Variants in WWOX observed in about 807,000 individuals in gnomAD.
WWOX encodes WW domain-containing oxidoreductase.
In WWOX, 69 loss-of-function variants were observed where a neutral mutation model predicts 46.2. That is an observed-to-expected ratio of 1.49 (90% confidence interval 1.23 to 1.82). The LOEUF is 1.82. Ranked by LOEUF, WWOX falls within the 40% of genes most tolerant of loss-of-function variation. The probability of loss-of-function intolerance (pLI) is 0.00; values close to 1 mark genes in which losing one functional copy is unlikely to be tolerated. For synonymous variants in WWOX, 359 were observed against 202.6 expected (o/e 1.77, Z -6.56); for missense variants, 919 against 542.6 (o/e 1.69, Z -6.89).
In WWOX at chr16:78,486,701, G is replaced by A. The variant is rs149322307; in HGVS notation, c.1056+53949G>A. On this transcript the variant is annotated intron_variant, in intron 8 of 8. Transcript: ENST00000566780. Reference sequence around the variant, plus strand: ...GGAATTCTCTGCCTTAGCCTCCCGCGTAGCTGGGATTACAGGTGCATGCCA... The same window carrying A: ...GGAATTCTCTGCCTTAGCCTCCCGCATAGCTGGGATTACAGGTGCATGCCA... 5.5e-3 allele frequency among the ~76,000 whole-genome samples: 834 copies of A among 152,252 alleles called. 11 individuals are homozygous for A. Among genetic ancestry groups the A allele is most frequent in the African/African-American group, 0.019 (791 of 41,540 alleles).
chr16:78,825,928 G>T (rs1346606229), intron 8 of WWOX: 2 of 776,882 alleles, frequency 2.6e-6, no homozygotes, highest in East Asian at 2.6e-5. Context: ...ATGAGGTAGT[G>T]CCCACCACTC....
intron 8 of WWOX, among the ~76,000 whole-genome samples, chr16:78,928,768 AAC>A (rs1292284124): frequency 6.6e-6 from 1 of 152,172 alleles, no homozygotes; most frequent in Non-Finnish European, 1.5e-5. Flanking sequence ...ATGTGTATAA[AAC>A]ACAGTTTCAG....
chr16:78,104,328 AACACACGC>A (rs2032002520), intron 1 of WWOX, among the ~76,000 whole-genome samples: 4 of 138,472 alleles, frequency 2.9e-5, no homozygotes, highest in African/African-American at 1.0e-4. Flanking sequence ...GTGCTCAAAA[AACACACGC>A]ACGCACGCAC....
chr16:79,001,919 C>T (rs552756940), intron 8 of WWOX, among the ~76,000 whole-genome samples: 65 of 152,062 alleles, frequency 4.3e-4, no homozygotes, highest in African/African-American at 1.4e-3. Context: ...ACCAGCAGTC[C>T]ATAGTGAGAC....
intron 5 of WWOX, among the ~76,000 whole-genome samples, chr16:78,384,917 C>G (rs1256651910): frequency 6.6e-6 from 1 of 152,096 alleles, no homozygotes; most frequent in East Asian, 1.9e-4. Flanking sequence ...GGGTGGATCA[C>G]AAGGTCAAGA....
At chr16:78,654,392 C>G (rs1026400296) in intron 8 of WWOX, among the ~76,000 whole-genome samples, 1 of 152,194 alleles carries the variant, frequency 6.6e-6, no homozygotes, top group Non-Finnish European at 1.5e-5. Context: ...TGGTATTTAT[C>G]AACTAACTGC....
intron 8 of WWOX, among the ~76,000 whole-genome samples, chr16:78,445,516 C>T (rs186489305): frequency 4.8e-3 from 731 of 152,310 alleles, no homozygotes; most frequent in Non-Finnish European, 8.3e-3. Context: ...CAAACCACTC[C>T]GACTTCAGCC....
At chr16:78,909,770 A>G (rs1010046671) in intron 8 of WWOX, among the ~76,000 whole-genome samples, 3 of 152,216 alleles carry the variant, frequency 2.0e-5, no homozygotes, top group African/African-American at 7.2e-5. Flanking sequence ...CCATGCGTCA[A>G]CTTAGTCCAA....
At chr16:78,101,090 C>T (rs1001191047) in intron 1 of WWOX, among the ~76,000 whole-genome samples, 2 of 151,842 alleles carry the variant, frequency 1.3e-5, no homozygotes, top group African/African-American at 4.8e-5. Flanking sequence ...CTCTGTCGCC[C>T]AGGCTGGAGT....
chr16:78,434,673 CAG>C (rs754156439), intron 8 of WWOX, among the ~76,000 whole-genome samples: 1 of 152,154 alleles, frequency 6.6e-6, no homozygotes, highest in African/African-American at 2.4e-5. Context: ...TCAGTGGCAT[CAG>C]AGAGTTCGTT....
At chr16:78,437,985 A>G (rs983965927) in intron 8 of WWOX, among the ~76,000 whole-genome samples, 5 of 152,144 alleles carry the variant, frequency 3.3e-5, no homozygotes, top group African/African-American at 9.7e-5. Context: ...ATATTAGTCT[A>G]TGGGTTTTAA....
At chr16:78,947,012 A>T (rs2045962040) in intron 8 of WWOX, among the ~76,000 whole-genome samples, 1 of 151,916 alleles carries the variant, frequency 6.6e-6, no homozygotes, top group African/African-American at 2.4e-5. Flanking sequence ...GTTCCCCCTC[A>T]GTCTTGTCTC....
chr16:78,645,220 G>C (rs899995564), intron 8 of WWOX, among the ~76,000 whole-genome samples: 4 of 152,078 alleles, frequency 2.6e-5, no homozygotes, highest in African/African-American at 9.7e-5. Flanking sequence ...TTCTACCCTT[G>C]AGGAGGGTAC....
At chr16:78,612,380 T>A (rs2045922251) in intron 8 of WWOX, among the ~76,000 whole-genome samples, 1 of 152,268 alleles carries the variant, frequency 6.6e-6, no homozygotes, top group South Asian at 2.1e-4. Context: ...GCCCATCTCT[T>A]ACGGCAGGCA....
At chr16:79,172,927 A>G (rs2050729302) in intron 8 of WWOX, among the ~76,000 whole-genome samples, 1 of 151,960 alleles carries the variant, frequency 6.6e-6, no homozygotes, top group South Asian at 2.1e-4. Flanking sequence ...GGGCTGAGGC[A>G]GGAAGATTGC....
chr16:79,008,536 T>C (rs771605391), intron 8 of WWOX, among the ~76,000 whole-genome samples: 5 of 152,128 alleles, frequency 3.3e-5, no homozygotes, highest in Non-Finnish European at 7.4e-5. Context: ...TTGGGGGCCA[T>C]CTTGAATCCT....
intron 8 of WWOX, among the ~76,000 whole-genome samples, chr16:78,818,864 C>G (rs971125283): frequency 4.6e-5 from 7 of 152,152 alleles, no homozygotes; most frequent in South Asian, 2.1e-4. Context: ...TTCGTTAGCA[C>G]TGAGAGAGGG....
chr16:79,040,933 A>G (rs1015392816), intron 8 of WWOX, among the ~76,000 whole-genome samples: 4 of 151,984 alleles, frequency 2.6e-5, no homozygotes, highest in African/African-American at 9.7e-5. Flanking sequence ...GCATCCATGG[A>G]TGGAGCATGG....
intron 8 of WWOX, among the ~76,000 whole-genome samples, chr16:78,491,772 C>G (rs1034102983): frequency 7.9e-5 from 12 of 152,226 alleles, no homozygotes; most frequent in African/African-American, 2.9e-4. Flanking sequence ...ATTTGAAACC[C>G]CAGGAGAAAA....
Sources: gnomAD v4.1 joint callset for allele counts (sites outside exome capture counted in the v4.1 genomes callset) on GRCh38, gnomAD v4.1.1 for gene constraint, MANE v1.5 for transcripts, NCBI Gene and HGNC (gene_info 2026-07-23, HGNC 2026-07-21) for gene names.